DCAF8L2: variants seen among roughly 807,000 people sequenced by gnomAD.
DCAF8L2 encodes DDB1- and CUL4-associated factor 8-like protein 2.
For synonymous variants in DCAF8L2, 200 were observed against 190.9 expected, an observed-to-expected ratio of 1.05 and a Z score of -0.39; for missense variants, 430 against 490.7, an observed-to-expected ratio of 0.88 and a Z score of 1.17.
At chrX:27,720,114 G>T (rs1420599316) in intron 4 of DCAF8L2, among the ~76,000 whole-genome samples, 1 of 109,702 alleles carries the variant, frequency 9.1e-6, no homozygotes, top group Non-Finnish European at 1.9e-5. Context: ...ATATCCAATT[G>T]TTCCAATAAT....
At chrX:27,637,838 T>C (rs919052351) in intron 2 of DCAF8L2, among the ~76,000 whole-genome samples, 1 of 111,918 alleles carries the variant, frequency 8.9e-6, no homozygotes, top group African/African-American at 3.2e-5. Context: ...CCAGGTAATA[T>C]TCCCCATACA....
chrX:27,524,494 T>G, the DCAF8L2 span, among the ~76,000 whole-genome samples: 1 of 111,228 alleles, frequency 9.0e-6, no homozygotes, highest in African/African-American at 3.3e-5. Flanking sequence ...CTGGATTCAT[T>G]GATTTTTTGA....
chrX:27,560,730 A>G, the DCAF8L2 span, among the ~76,000 whole-genome samples: 2 of 112,247 alleles, frequency 1.8e-5, no homozygotes, highest in African/African-American at 6.5e-5. Flanking sequence ...TTCCATTTCT[A>G]TCAGGGGCCA....
chrX:27,469,630 A>T, the DCAF8L2 span, among the ~76,000 whole-genome samples: 2 of 111,904 alleles, frequency 1.8e-5, no homozygotes, highest in African/African-American at 6.5e-5. Flanking sequence ...ACAGAAACAA[A>T]AATTTCATGA....
intron 4 of DCAF8L2, among the ~76,000 whole-genome samples, chrX:27,730,063 T>C (rs746496431): frequency 1.8e-5 from 2 of 111,477 alleles, no homozygotes; most frequent in Non-Finnish European, 3.8e-5. Context: ...AGACAAAACA[T>C]TAAGGCACTT....
intron 2 of DCAF8L2, among the ~76,000 whole-genome samples, chrX:27,661,520 T>A (rs995600901): frequency 7.1e-5 from 8 of 111,932 alleles, no homozygotes; most frequent in Non-Finnish European, 1.5e-4. Flanking sequence ...TTTCTTTTTT[T>A]CATATTTATT....
chrX:27,653,589 T>C (rs981714710), intron 2 of DCAF8L2, among the ~76,000 whole-genome samples: 1 of 110,709 alleles, frequency 9.0e-6, no homozygotes, highest in Non-Finnish European at 1.9e-5. Context: ...AATTTTAAGG[T>C]CCTCTTTTAA....
chrX:27,551,636 A>T, the DCAF8L2 span, among the ~76,000 whole-genome samples: 1 of 111,555 alleles, frequency 9.0e-6, no homozygotes, highest in Non-Finnish European at 1.9e-5. Context: ...CTCTAAAGTC[A>T]TCCATGTTGC....
intron 1 of DCAF8L2, among the ~76,000 whole-genome samples, chrX:27,626,465 T>C (rs1409230424): frequency 9.0e-6 from 1 of 111,506 alleles, no homozygotes; most frequent in Non-Finnish European, 1.9e-5. Flanking sequence ...GTTTAGGGCA[T>C]AGCACGTGAA....
chrX:27,643,220 A>T lies in DCAF8L2; in HGVS notation c.-220+11220A>T, dbSNP rs775676441. 7.1e-5 allele frequency among the ~76,000 whole-genome samples: 8 copies of T among 112,023 alleles called. No homozygotes were observed. The South Asian group carries it at 3.0e-3, about 41-fold the overall frequency. On this transcript the variant is annotated intron_variant, in intron 2 of 4. Coordinates refer to ENST00000451261, the MANE Select transcript of DCAF8L2 (RefSeq NM_001353450.2). ...CAATTCACAAGGGTTTCCTTCTCTC[A>T]ACACCCTAGCCAACAGTTGTTATCT... is the stretch of plus-strand genomic sequence containing the variant.
the DCAF8L2 span, among the ~76,000 whole-genome samples, chrX:27,504,937 T>G: frequency 1.1e-4 from 12 of 111,261 alleles, no homozygotes; most frequent in Non-Finnish European, 1.9e-4. Context: ...CTGGCAGAAC[T>G]TTTTCCTGTA....
intron 2 of DCAF8L2, among the ~76,000 whole-genome samples, chrX:27,639,723 C>G (rs1219308192): frequency 1.8e-5 from 2 of 110,843 alleles, no homozygotes; most frequent in African/African-American, 6.6e-5. Context: ...GAAATTAACT[C>G]TAAGCCTAAA....
chrX:27,738,904 C>A (rs968763129), intron 4 of DCAF8L2, among the ~76,000 whole-genome samples: 1 of 111,116 alleles, frequency 9.0e-6, no homozygotes, highest in African/African-American at 3.3e-5. Flanking sequence ...CTTTCACCAC[C>A]AGATCTAATA....
the DCAF8L2 span, among the ~76,000 whole-genome samples, chrX:27,535,596 T>C: frequency 3.6e-5 from 4 of 111,797 alleles, no homozygotes; most frequent in Admixed American, 2.8e-4. Flanking sequence ...TTTTGCTTTT[T>C]TGTCCTACTC....
At chrX:27,546,722 T>A in the DCAF8L2 span, among the ~76,000 whole-genome samples, 1 of 112,505 alleles carries the variant, frequency 8.9e-6, no homozygotes, top group Admixed American at 9.4e-5. Context: ...TGGCCTGAGC[T>A]GTACCTTGGT....
chrX:27,602,110 G>A (rs1029819251), intron 1 of DCAF8L2, among the ~76,000 whole-genome samples: 1 of 111,039 alleles, frequency 9.0e-6, no homozygotes, highest in Non-Finnish European at 1.9e-5. Flanking sequence ...AGGCTTGAGT[G>A]CAGTAGCGCA....
At chrX:27,692,394 T>C (rs1274340939) in intron 3 of DCAF8L2, among the ~76,000 whole-genome samples, 2 of 112,069 alleles carry the variant, frequency 1.8e-5, no homozygotes, top group African/African-American at 6.5e-5. Context: ...TTGAAATGAA[T>C]TTTTGGTGTC....
At chrX:27,744,336 T>C (rs1922048631) in intron 4 of DCAF8L2, among the ~76,000 whole-genome samples, 1 of 111,604 alleles carries the variant, frequency 9.0e-6, no homozygotes, top group African/African-American at 3.3e-5. Flanking sequence ...TTACCTGCTC[T>C]CCCTGTTACA....
chrX:27,607,551 AT>A (rs1410166362), intron 1 of DCAF8L2, among the ~76,000 whole-genome samples: 1 of 111,576 alleles, frequency 9.0e-6, no homozygotes, highest in African/African-American at 3.3e-5. Flanking sequence ...ACAGAGAATT[AT>A]TTAATCTCCA....
Sources: gnomAD v4.1 joint callset for allele counts (sites outside exome capture counted in the v4.1 genomes callset) on GRCh38, gnomAD v4.1.1 for gene constraint, MANE v1.5 for transcripts, NCBI Gene and HGNC (gene_info 2026-07-23, HGNC 2026-07-21) for gene names.